Variants in JCAD observed in about 807,000 individuals in gnomAD.
JCAD encodes junctional cadherin 5 associated.
JCAD carries 40 observed loss-of-function variants against 98.0 expected under a neutral mutation model. That is an observed-to-expected ratio of 0.41 (90% CI 0.32 to 0.53). JCAD has a LOEUF of 0.53. Ranked by LOEUF, JCAD falls within the 20% of genes least tolerant of loss-of-function variation. The probability of loss-of-function intolerance (pLI) is 0.31; values close to 1 mark genes in which losing one functional copy is unlikely to be tolerated. For missense variants in JCAD, 1,705 were observed against 1,738.1 expected (o/e 0.98, Z 0.34); for synonymous variants, 691 against 682.3 (o/e 1.01, Z -0.20).
intron 1 of JCAD, among the ~76,000 whole-genome samples, chr10:30,105,429 T>A (rs1838556884): frequency 6.6e-6 from 1 of 151,604 alleles, no homozygotes; most frequent in Non-Finnish European, 1.5e-5. Flanking sequence ...GTTCAAGTGA[T>A]CCTCCTGCCT....
chr10:30,082,326 T>C (rs1253900347), intron 1 of JCAD, among the ~76,000 whole-genome samples: 5 of 152,134 alleles, frequency 3.3e-5, no homozygotes. Context: ...AAATTTGACA[T>C]GGGAAAACTA....
chr10:30,036,215 G>C (rs980106242), intron 2 of JCAD, among the ~76,000 whole-genome samples: 2 of 152,154 alleles, frequency 1.3e-5, no homozygotes, highest in African/African-American at 4.8e-5. Flanking sequence ...AGGCTGAGGC[G>C]GACGGATCAC....
intron 1 of JCAD, among the ~76,000 whole-genome samples, chr10:30,050,331 A>G (rs1408376753): frequency 3.4e-5 from 5 of 145,676 alleles, no homozygotes; most frequent in African/African-American, 7.4e-5. Context: ...AAAAAAAAAA[A>G]AAAAAAAAAA....
chr10:30,112,280 C>A (rs1467510286), intron 1 of JCAD, among the ~76,000 whole-genome samples: 1 of 151,924 alleles, frequency 6.6e-6, no homozygotes, highest in South Asian at 2.1e-4. Context: ...TCAAGACCAG[C>A]CTGGGCAACA....
At chr10:30,067,837 C>T (rs1191173487) in intron 2 of JCAD, among the ~76,000 whole-genome samples, 1 of 152,134 alleles carries the variant, frequency 6.6e-6, no homozygotes, top group Non-Finnish European at 1.5e-5. Context: ...AGTGCATGTA[C>T]ACAAACCAAG....
At chr10:30,020,925 A>AT (rs1836648803) in intron 3 of JCAD, among the ~76,000 whole-genome samples, 1 of 152,198 alleles carries the variant, frequency 6.6e-6, no homozygotes. Context: ...CTCACATTAC[A>AT]TAACACTAGG....
chr10:30,085,971 C>T (rs1054437538), intron 1 of JCAD, among the ~76,000 whole-genome samples: 5 of 152,166 alleles, frequency 3.3e-5, no homozygotes, highest in Admixed American at 1.3e-4. Context: ...TTCAAAATTA[C>T]GTGACAAATT....
chr10:30,073,348 G>C (rs1440931879), intron 1 of JCAD, among the ~76,000 whole-genome samples: 1 of 152,192 alleles, frequency 6.6e-6, no homozygotes, highest in Non-Finnish European at 1.5e-5. Context: ...ATTTAGTACA[G>C]AGCCAACATT....
rs549467146 is a variant in JCAD at position 30,014,700 on chromosome 10, C to T, written c.*3183G>A. 51 of 152,272 alleles carry T rather than the reference C, an allele frequency of 3.3e-4. No homozygotes were observed. Among genetic ancestry groups the T allele is most frequent in the African/African-American group, 1.2e-3 (50 of 41,560 alleles). 9.4% of individuals were successfully genotyped at this position (152,272 alleles called of 1,614,324 possible). A position where few individuals can be genotyped will look rare whatever the true frequency, so the allele number is the denominator to read the frequency against. ...AAACCGAGATGCTGTCAGAATAAGT[C>T]ATTTTGCTGCTGCAAAAAATGATCA... On this transcript the variant is annotated 3_prime_UTR_variant, in exon 4 of 4. Coordinates refer to ENST00000375377, the MANE Select transcript of JCAD (RefSeq NM_020848.4).
intron 1 of JCAD, among the ~76,000 whole-genome samples, chr10:30,094,881 C>T (rs964544334): frequency 2.6e-5 from 4 of 152,182 alleles, no homozygotes; most frequent in Non-Finnish European, 5.9e-5. Context: ...TTTTCCTCCT[C>T]CTACACTCTC....
At chr10:30,078,411 T>C (rs181020164) in intron 1 of JCAD, among the ~76,000 whole-genome samples, 2 of 152,214 alleles carry the variant, frequency 1.3e-5, no homozygotes, top group East Asian at 1.9e-4. Context: ...TCTTTTTCTT[T>C]CTTCCTTTCT....
At chr10:30,097,280 G>A (rs1211708403) in intron 1 of JCAD, among the ~76,000 whole-genome samples, 3 of 152,130 alleles carry the variant, frequency 2.0e-5, no homozygotes, top group African/African-American at 7.2e-5. Context: ...GAGCAGCACA[G>A]ATACCAGCTG....
rs894184918 is a variant in JCAD at position 30,017,298 on chromosome 10, T to C, written c.*585A>G. 6.5e-5 allele frequency: 10 copies of C among 154,320 alleles called. No homozygotes were observed. The highest frequency in any genetic ancestry group is 1.2e-4 in the African/African-American group (5 of 41,484). 9.6% of individuals were successfully genotyped at this position (154,320 alleles called of 1,614,324 possible). A position where few individuals can be genotyped will look rare whatever the true frequency, so the allele number is the denominator to read the frequency against. On this transcript the variant is annotated 3_prime_UTR_variant, in exon 4 of 4. Transcript: ENST00000375377. ...TAATTTTTCAGGAACTTAAAAGATA[T>C]TGCTTTTATTCTCTGATGGCAAGTT...
chr10:30,045,220 C>A (rs978698465), intron 2 of JCAD, among the ~76,000 whole-genome samples: 1 of 152,066 alleles, frequency 6.6e-6, no homozygotes, highest in Non-Finnish European at 1.5e-5. Context: ...ACTGCCCACA[C>A]AGAATTCTAA....
chr10:30,114,827 ATAG>A (rs1371865515), intron 1 of JCAD, among the ~76,000 whole-genome samples: 7 of 4,752 alleles, frequency 1.5e-3, no homozygotes, highest in Non-Finnish European at 6.2e-3. Context: ...TTAAAGCCGA[ATAG>A]ATAGATAGAT....
chr10:30,048,411 T>A (rs1837401268), intron 1 of JCAD, among the ~76,000 whole-genome samples: 1 of 152,112 alleles, frequency 6.6e-6, no homozygotes, highest in Non-Finnish European at 1.5e-5. Context: ...GCGGAAGCCA[T>A]CGAAACAGCA....
chr10:30,092,125 T>A (rs189701187), intron 1 of JCAD, among the ~76,000 whole-genome samples: 6,477 of 104,890 alleles, frequency 0.062, 511 homozygotes, highest in South Asian at 0.17. Flanking sequence ...TATATATATA[T>A]AAAAAACATT....
chr10:30,088,993 A>G lies in JCAD; in HGVS notation n.129-19172T>C, dbSNP rs79377569. ...ATGCCATCTCAAAAAATAAATAAATAATGCACATTAACCAAAATGGAGCTT... is the reference window on the plus strand; with the variant it reads ...ATGCCATCTCAAAAAATAAATAAATGATGCACATTAACCAAAATGGAGCTT... On this transcript the variant is annotated intron_variant and non_coding_transcript_variant, in intron 1 of 2. Coordinates refer to the JCAD transcript ENST00000465712. Among the ~76,000 whole-genome samples the G allele has an allele frequency of 4.8e-3, 733 of 152,242 alleles. 2 individuals carry two copies. The highest frequency in any genetic ancestry group is 0.016 in the African/African-American group (684 of 41,538).
At chr10:30,042,938 T>C (rs1837271640) in intron 2 of JCAD, among the ~76,000 whole-genome samples, 1 of 152,226 alleles carries the variant, frequency 6.6e-6, no homozygotes, top group African/African-American at 2.4e-5. Flanking sequence ...TGCTGTGCTT[T>C]AAACGCTGGT....
Sources: gnomAD v4.1 joint callset for allele counts (sites outside exome capture counted in the v4.1 genomes callset) on GRCh38, gnomAD v4.1.1 for gene constraint, MANE v1.5 for transcripts, NCBI Gene and HGNC (gene_info 2026-07-23, HGNC 2026-07-21) for gene names.